Variants in ADAMTSL3 observed in about 807,000 individuals in gnomAD.
ADAMTSL3 encodes ADAMTS like 3.
Under a neutral mutation model 201.7 loss-of-function variants are expected in ADAMTSL3, and 128 were observed. That is an observed-to-expected ratio of 0.63 (90% confidence interval 0.55 to 0.73). ADAMTSL3 has a LOEUF of 0.73. Among genes scored for constraint, ADAMTSL3 ranks in the 30% least tolerant of loss-of-function variants. The pLI is 0.00. For missense variants in ADAMTSL3, 1,990 were observed against 2,119.6 expected (o/e 0.94, Z 1.20); for synonymous variants, 738 against 748.4 (o/e 0.99, Z 0.23).
chr15:83,947,854 G>A (rs948077331), intron 19 of ADAMTSL3, among the ~76,000 whole-genome samples: 8 of 152,156 alleles, frequency 5.3e-5, no homozygotes, highest in African/African-American at 1.2e-4. Flanking sequence ...TTCTAACCAC[G>A]TCTCCAGCTC....
Position 83,943,082 on chromosome 15 carries a change from G to A in ADAMTSL3, c.2490G>A (p.Lys830=), listed in dbSNP as rs1183448571. The A allele has an allele frequency of 6.2e-7, 1 of 1,606,810 alleles. No homozygotes were observed. The highest frequency in any genetic ancestry group is 8.5e-7 in the Non-Finnish European group (1 of 1,177,308). The change falls in exon 19 of 30, where the codon AAG becomes AAA. Residue 830 remains lysine, a splice_region_variant and synonymous_variant. Transcript: ENST00000286744. ...PPHLAVGDWS[K]CSVSCGVGIQ... is the part of the protein sequence containing the mutation. ...ATTTAGCTGTGGGAGACTGGTCGAA[G>A]GTAAGGGCCAGGCTCAACTTTATAG...
chr15:83,835,477 A>G (rs1326251221), intron 6 of ADAMTSL3, among the ~76,000 whole-genome samples: 1 of 152,140 alleles, frequency 6.6e-6, no homozygotes, highest in Non-Finnish European at 1.5e-5. Context: ...GAGGTATTCA[A>G]TTGCCTGAGA....
intron 3 of ADAMTSL3, chr15:83,717,565 G>A (rs2062037106): frequency 6.6e-6 from 1 of 152,212 alleles, no homozygotes; most frequent in Non-Finnish European, 1.5e-5. Flanking sequence ...AAAAGAAGGT[G>A]CGGGAGAAGC....
At chr15:83,959,659 G>T (rs913902231) in intron 19 of ADAMTSL3, among the ~76,000 whole-genome samples, 4 of 152,162 alleles carry the variant, frequency 2.6e-5, no homozygotes, top group Non-Finnish European at 5.9e-5. Flanking sequence ...GAAGATGCAA[G>T]AACTCAATCT....
intron 9 of ADAMTSL3, among the ~76,000 whole-genome samples, chr15:83,881,927 G>A (rs2065280351): frequency 1.3e-5 from 2 of 152,004 alleles, no homozygotes; most frequent in Admixed American, 6.6e-5. Flanking sequence ...GCGGAGGTGG[G>A]CGGATCATGA....
intron 2 of ADAMTSL3, among the ~76,000 whole-genome samples, chr15:83,665,215 G>A (rs2061233071): frequency 6.6e-6 from 1 of 152,054 alleles, no homozygotes. Context: ...ACATGGGCTT[G>A]AGAGAGAGAG....
intron 25 of ADAMTSL3, among the ~76,000 whole-genome samples, chr15:84,019,883 ACT>A (rs1367314906): frequency 1.4e-5 from 2 of 138,564 alleles, no homozygotes; most frequent in Non-Finnish European, 3.1e-5. Context: ...ACAGAGTGAG[ACT>A]CTGTCTCAAA....
intron 4 of ADAMTSL3, among the ~76,000 whole-genome samples, chr15:83,789,335 A>G (rs2063309766): frequency 6.6e-6 from 1 of 152,126 alleles, no homozygotes; most frequent in Non-Finnish European, 1.5e-5. Flanking sequence ...CAGATGCAGT[A>G]TCTTCTGTTT....
Position 83,982,970 on chromosome 15 carries a change from T to A in ADAMTSL3, c.3342T>A (p.Asp1114Glu), listed in dbSNP as rs745957996. The change falls in exon 21 of 30, where the codon GAT (aspartate) becomes GAA (glutamate). Residue 1114 changes from aspartate to glutamate, a missense_variant. Transcript: ENST00000286744. ...TCATGGAAACCGGAGAGGTCAGCGA[T>A]GATCTTGCGTCCCAGCTGATATATC... is the stretch of plus-strand genomic sequence containing the variant. ...SQLMETGEVS[D>E]DLASQLIYQL... 4 of 1,614,034 alleles carry A rather than the reference T, an allele frequency of 2.5e-6. No homozygotes were observed. The highest frequency in any genetic ancestry group is 3.4e-6 in the Non-Finnish European group (4 of 1,180,032).
intron 3 of ADAMTSL3, among the ~76,000 whole-genome samples, chr15:83,763,606 G>A: frequency 6.6e-6 from 1 of 150,988 alleles, no homozygotes; most frequent in East Asian, 2.0e-4. Flanking sequence ...CCGGGTTCAC[G>A]CCATTCTCCG....
Position 83,712,201 on chromosome 15 carries a change from C to G in ADAMTSL3, c.189+7693C>G, listed in dbSNP as rs192664276. Reference sequence around the variant, plus strand: ...GACTTTCCTCTCCACCATCTCCTCTCTTCAGTGGCCTTTTATGACTTGCTT... The same window carrying G: ...GACTTTCCTCTCCACCATCTCCTCTGTTCAGTGGCCTTTTATGACTTGCTT... On this transcript the variant is annotated intron_variant, in intron 3 of 29. Transcript: ENST00000286744. Among the ~76,000 whole-genome samples, 54 of 152,354 alleles carry G rather than the reference C, an allele frequency of 3.5e-4. 2 individuals are homozygous for G. In the Middle Eastern group the frequency reaches 0.031, roughly 86 times the overall value.
intron 3 of ADAMTSL3, among the ~76,000 whole-genome samples, chr15:83,726,729 C>T (rs866136130): frequency 7.2e-5 from 11 of 151,952 alleles, no homozygotes; most frequent in African/African-American, 2.7e-4. Flanking sequence ...TCCTTGCATC[C>T]CTGGAATAAA....
intron 4 of ADAMTSL3, among the ~76,000 whole-genome samples, chr15:83,775,199 G>T (rs957695151): frequency 2.0e-5 from 3 of 152,128 alleles, no homozygotes; most frequent in Non-Finnish European, 4.4e-5. Flanking sequence ...CCAGCCACAT[G>T]GGGGAGAAGT....
intron 4 of ADAMTSL3, among the ~76,000 whole-genome samples, chr15:83,800,629 A>G (rs140379609): frequency 2.8e-3 from 427 of 152,336 alleles, no homozygotes; most frequent in Non-Finnish European, 4.3e-3. Context: ...GAAAATGTTT[A>G]AAGAAAATGC....
chr15:83,837,606 C>T (rs1407829236), intron 6 of ADAMTSL3, among the ~76,000 whole-genome samples: 1 of 151,826 alleles, frequency 6.6e-6, no homozygotes, highest in Admixed American at 6.6e-5. Context: ...CATAGGGAGA[C>T]CCTGTCTTTA....
chr15:83,777,686 A>C (rs1448734805), intron 4 of ADAMTSL3, among the ~76,000 whole-genome samples: 1 of 152,166 alleles, frequency 6.6e-6, no homozygotes, highest in Non-Finnish European at 1.5e-5. Flanking sequence ...CAGCACAAGA[A>C]CCCTAACAAC....
chr15:84,030,565 C>T (rs2068388831), intron 27 of ADAMTSL3, among the ~76,000 whole-genome samples: 1 of 152,144 alleles, frequency 6.6e-6, no homozygotes, highest in African/African-American at 2.4e-5. Flanking sequence ...ACTTACTTTT[C>T]ATGTTACAGG....
chr15:83,970,738 G>T lies in ADAMTSL3; in HGVS notation c.2644+101G>T, dbSNP rs1027043015. 7.4e-5 allele frequency: 106 copies of T among 1,426,198 alleles called. 1 individual carries two copies. Among genetic ancestry groups the T allele is most frequent in the Non-Finnish European group, 9.7e-5 (101 of 1,039,964 alleles). 88.3% of individuals were successfully genotyped at this position (1,426,198 alleles called of 1,614,324 possible). ...ACGTCAACAGATTTCTAATCTGTGG[G>T]TAAGGCAACTCAAGCTGTACTCAGT... On this transcript the variant is annotated intron_variant, in intron 20 of 29. Transcript: ENST00000286744.
intron 7 of ADAMTSL3, among the ~76,000 whole-genome samples, chr15:83,847,253 A>G (rs1282723000): frequency 6.6e-6 from 1 of 152,004 alleles, no homozygotes; most frequent in Non-Finnish European, 1.5e-5. Context: ...AATTTCCTAC[A>G]TTTGCTTTTT....
Sources: allele counts gnomAD v4.1 joint callset (sites outside exome capture counted in the v4.1 genomes callset), GRCh38; gene constraint gnomAD v4.1.1; transcripts MANE v1.5; gene names NCBI Gene and HGNC (gene_info 2026-07-23, HGNC 2026-07-21).